The following CFAP44 variants were observed in gnomAD, a reference collection of about 807,000 sequenced individuals.
CFAP44 encodes cilia and flagella associated protein 44, also known as cilia- and flagella-associated protein 44.
Under a neutral mutation model 216.2 loss-of-function variants are expected in CFAP44, and 134 were observed. The observed-to-expected ratio is 0.62, with a 90% confidence interval of 0.54 to 0.72. The LOEUF is 0.72. Ranked by LOEUF, CFAP44 falls within the 30% of genes least tolerant of loss-of-function variation. CFAP44 has a pLI of 0.00. For missense variants in CFAP44, 2,035 were observed against 2,182.1 expected, an observed-to-expected ratio of 0.93 and a Z score of 1.34; for synonymous variants, 700 against 727.6, an observed-to-expected ratio of 0.96 and a Z score of 0.61.
chr3:113,381,310 T>G (rs1328746629), intron 15 of CFAP44, among the ~76,000 whole-genome samples: 1 of 152,176 alleles, frequency 6.6e-6, no homozygotes, highest in Non-Finnish European at 1.5e-5. Flanking sequence ...TTACATTTGG[T>G]TCCTTTATAG....
chr3:113,303,820 T>C, intron 32 of CFAP44, 96 bp downstream of exon 32: 1 of 1,311,300 alleles, frequency 7.6e-7, no homozygotes, highest in Non-Finnish European at 1.0e-6. Context: ...GTTCTGAGTC[T>C]GCAATTACTA....
intron 26 of CFAP44, among the ~76,000 whole-genome samples, chr3:113,328,237 C>T (rs115168806): frequency 0.026 from 3,653 of 140,466 alleles, 84 homozygotes; most frequent in Non-Finnish European, 0.035. Context: ...ATTTTCAAAA[C>T]CACAGAATGG....
chr3:113,363,614 A>G, intron 19 of CFAP44, 82 bp from the exon 20 acceptor site: 1 of 1,258,072 alleles, frequency 7.9e-7, no homozygotes, highest in Non-Finnish European at 1.1e-6. Flanking sequence ...GTAAATTAAA[A>G]ACTCAAATTG....
chr3:113,366,492 G>T (rs377181390), intron 18 of CFAP44, among the ~76,000 whole-genome samples, 183 bp from the exon 19 acceptor site: 21 of 152,280 alleles, frequency 1.4e-4, no homozygotes, highest in African/African-American at 4.3e-4. Context: ...TTGTGATAGG[G>T]CTTTTAAAGA....
Position 113,291,606 on chromosome 3 carries a change from G to C in CFAP44, c.5516C>G (p.Pro1839Arg), listed in dbSNP as rs369571239. 1.3e-5 allele frequency: 20 copies of C among 1,537,126 alleles called. No homozygotes were observed. The highest frequency in any genetic ancestry group is 1.5e-5 in the Non-Finnish European group (17 of 1,146,930). The part of the protein sequence containing the change: ...LLRRKGSLIL[P>R]PIQSPREKEI... ...TTTCTCTCGTGGAGACTGAATGGGT[G>C]GGAGGATAAGACTGCCTTTCCTACG... is the stretch of plus-strand genomic sequence containing the variant. The change falls in exon 35 of 35, where the codon CCA (proline) becomes CGA (arginine). Residue 1839 changes from proline to arginine, a missense_variant. Around this residue, in one of 3 missense-constraint regions of CFAP44, gnomAD observed 1,883 missense variants for 2,023.7 expected, o/e 0.93. Coordinates refer to ENST00000393845, the MANE Select transcript of CFAP44 (RefSeq NM_001164496.2).
In CFAP44 at chr3:113,401,646, T is replaced by C. The variant is rs1213169611; in HGVS notation, c.1264A>G (p.Asn422Asp). 1 of 1,613,474 alleles carries C rather than the reference T, an allele frequency of 6.2e-7. No homozygotes were observed. The highest frequency in any genetic ancestry group is 1.7e-5 in the Admixed American group (1 of 59,928). Residue 422 changes from asparagine to aspartate, a missense_variant, in exon 10 of 35, where the codon AAT becomes GAT. Transcript: ENST00000393845. Reference protein sequence around the residue: ...EPINELQVDKNVNLFSMIKMN... With the variant: ...EPINELQVDKDVNLFSMIKMN... ...TTTATCATAGAGAAGAGATTCACATTCTTGTCTACTTGAAGTTCATTAATA... is the reference window on the plus strand; with the variant it reads ...TTTATCATAGAGAAGAGATTCACATCCTTGTCTACTTGAAGTTCATTAATA...
chr3:113,321,189 T>C (rs1950143334), intron 28 of CFAP44, among the ~76,000 whole-genome samples: 1 of 152,308 alleles, frequency 6.6e-6, no homozygotes, highest in East Asian at 1.9e-4. Flanking sequence ...AAACAGGCTT[T>C]ATTCCTGGGA....
Position 113,420,061 on chromosome 3 carries a change from T to C in CFAP44, c.526A>G (p.Ile176Val). The C allele has an allele frequency of 6.2e-7, 1 of 1,613,878 alleles. No homozygotes were observed. Among genetic ancestry groups the C allele is most frequent in the Non-Finnish European group, 8.5e-7 (1 of 1,179,870 alleles). ...TCACCACTGCTACTTCGCAGGTAGA[T>C]CTGTTCCTTGGTTTTCAAATTCAGA... ...IFLNLKTKEQ[I>V]YLRSSSGEGI... The change falls in exon 5 of 35, where the codon ATC becomes GTC. Residue 176 changes from isoleucine to valine, a missense_variant. Coordinates refer to ENST00000393845, the MANE Select transcript of CFAP44 (RefSeq NM_001164496.2).
chr3:113,347,968 G>T (rs557908672), intron 22 of CFAP44, among the ~76,000 whole-genome samples: 3 of 152,240 alleles, frequency 2.0e-5, no homozygotes, highest in Admixed American at 1.3e-4. Context: ...AAGAGTGCAG[G>T]TTTTCAAGAA....
In CFAP44 at chr3:113,293,348, C is replaced by A. The variant is rs1370832481; in HGVS notation, c.5373+1339G>T. 2.0e-5 allele frequency among the ~76,000 whole-genome samples: 3 copies of A among 152,294 alleles called. No individual in the cohort carries two copies. In the East Asian group the frequency reaches 5.8e-4, roughly 29 times the overall value. On this transcript the variant is annotated intron_variant, in intron 34 of 34. Transcript: ENST00000393845. ...GGAGTCAGCGTTGGAGGCAGACAGA[C>A]CTGAATTTCAAAACTAACTTCACCA...
At chr3:113,345,175 G>T (rs2107822643) in intron 22 of CFAP44, among the ~76,000 whole-genome samples, 1 of 149,318 alleles carries the variant, frequency 6.7e-6, no homozygotes, top group South Asian at 2.1e-4. Flanking sequence ...TATATAGTTT[G>T]TGTATGTGTT....
chr3:113,296,013 C>T (rs960806066), intron 33 of CFAP44, among the ~76,000 whole-genome samples: 3 of 152,188 alleles, frequency 2.0e-5, no homozygotes, highest in Non-Finnish European at 4.4e-5. Context: ...AGATAGCAAA[C>T]GTTGTACCTA....
At chr3:113,431,243 A>G (rs1329165247) in intron 2 of CFAP44, among the ~76,000 whole-genome samples, 4 of 152,118 alleles carry the variant, frequency 2.6e-5, no homozygotes, top group Non-Finnish European at 5.9e-5. Context: ...ATGCCAGAAA[A>G]TTATTTCACA....
chr3:113,302,457 T>TAAAAAAAAAA (rs60866565), intron 32 of CFAP44, among the ~76,000 whole-genome samples: 32 of 75,786 alleles, frequency 4.2e-4, no homozygotes, highest in African/African-American at 1.3e-3. Flanking sequence ...CTAGACAAAG[T>TAAAAAAAAAA]AAAAAAAAAA....
At chr3:113,355,303 G>A (rs912366052) in intron 22 of CFAP44, among the ~76,000 whole-genome samples, 6 of 152,090 alleles carry the variant, frequency 3.9e-5, no homozygotes, top group Admixed American at 1.3e-4. Flanking sequence ...GGTGGATCAC[G>A]AGGTCAAGAG....
In CFAP44 at chr3:113,341,783, T is replaced by C. The variant is rs1378049513; in HGVS notation, c.3398A>G (p.Gln1133Arg). 5.2e-6 allele frequency: 8 copies of C among 1,525,168 alleles called. No individual in the cohort carries two copies. The highest frequency in any genetic ancestry group is 7.0e-6 in the Non-Finnish European group (8 of 1,144,350). The allele number at this position is 1,525,168 out of a possible 1,614,324, so 94.5% of individuals were successfully genotyped here. A position where few individuals can be genotyped will look rare whatever the true frequency, so the allele number is the denominator to read the frequency against. Residue 1133 changes from glutamine (Q) to arginine (R), a missense_variant, in exon 24 of 35, where the codon CAA becomes CGA. Physicochemically the swap from Gln to Arg is conservative, Grantham distance 43. Coordinates refer to ENST00000393845, the MANE Select transcript of CFAP44 (RefSeq NM_001164496.2). ...TTTTTTTCGCTGTTGAATCTTTAGT[T>C]GTGCCCTTTCAGCTTTTAATATAAG... Reference protein sequence around the residue: ...RKLILKAERAQLKIQQRKKEW... With the variant: ...RKLILKAERARLKIQQRKKEW...
chr3:113,405,913 C>G (rs141943096), intron 8 of CFAP44, among the ~76,000 whole-genome samples: 8 of 152,294 alleles, frequency 5.3e-5, no homozygotes, highest in Non-Finnish European at 1.2e-4. Context: ...CTTTTTACTT[C>G]CTCCTATATA....
intron 32 of CFAP44, 165 bp from the exon 33 acceptor site, chr3:113,297,050 A>T: frequency 1.2e-6 from 1 of 835,740 alleles, no homozygotes; most frequent in South Asian, 1.5e-5. Flanking sequence ...TTCCTCATTT[A>T]AAAATGCCCA....
intron 16 of CFAP44, 58 bp downstream of exon 16, chr3:113,380,841 T>C: frequency 7.3e-7 from 1 of 1,372,300 alleles, no homozygotes; most frequent in East Asian, 2.5e-5. Context: ...ACATAGGATA[T>C]TTTATATTCT....
Sources: gnomAD v4.1 joint callset for allele counts (sites outside exome capture counted in the v4.1 genomes callset) on GRCh38, gnomAD v4.1.1 for gene constraint, gnomAD v4.1.1 regional missense constraint, MANE v1.5 for transcripts, NCBI Gene and HGNC (gene_info 2026-07-23, HGNC 2026-07-21) for gene names.